The following MACROD2 variants were observed in gnomAD, a reference collection of about 807,000 sequenced individuals.
MACROD2 encodes mono-ADP ribosylhydrolase 2.
In MACROD2, 36 loss-of-function variants were observed where a neutral mutation model predicts 70.4. That is an observed-to-expected ratio of 0.51 (90% CI 0.39 to 0.68). The LOEUF is 0.68. Ranked by LOEUF, MACROD2 falls within the 30% of genes least tolerant of loss-of-function variation. MACROD2 has a pLI of 0.00. For synonymous variants in MACROD2, 172 were observed against 178.8 expected, an observed-to-expected ratio of 0.96 and a Z score of 0.30; for missense variants, 496 against 538.4, an observed-to-expected ratio of 0.92 and a Z score of 0.78.
At chr20:15,508,795 C>T (rs571104120) in intron 8 of MACROD2, among the ~76,000 whole-genome samples, 3 of 152,202 alleles carry the variant, frequency 2.0e-5, no homozygotes, top group African/African-American at 7.2e-5. Context: ...GCACAGCTAC[C>T]GTGTTCCCTA....
intron 6 of MACROD2, among the ~76,000 whole-genome samples, chr20:15,264,678 G>A: frequency 6.6e-6 from 1 of 152,110 alleles, no homozygotes; most frequent in Non-Finnish European, 1.5e-5. Context: ...TAGGTGAAAA[G>A]TCTCTCTGAG....
intron 6 of MACROD2, among the ~76,000 whole-genome samples, chr20:15,430,638 C>A (rs1424659242): frequency 6.6e-6 from 1 of 151,792 alleles, no homozygotes; most frequent in African/African-American, 2.4e-5. Context: ...CACTGCTAAG[C>A]AAAATATGGC....
chr20:15,441,419 C>T (rs1467064635), intron 7 of MACROD2, among the ~76,000 whole-genome samples: 2 of 151,982 alleles, frequency 1.3e-5, no homozygotes, highest in African/African-American at 4.8e-5. Flanking sequence ...GGGGACCTGA[C>T]AAAAGAGATG....
chr20:14,514,904 A>G (rs1037286538), intron 4 of MACROD2, among the ~76,000 whole-genome samples: 7 of 152,156 alleles, frequency 4.6e-5, no homozygotes, highest in Non-Finnish European at 1.0e-4. Context: ...CTGCTAAAGA[A>G]AAATCCAGAC....
At position 14,710,932 on chromosome 20, in the gene MACROD2, C is replaced by A. The variant is rs1191420209; in HGVS notation, c.418+25973C>A. Among the ~76,000 whole-genome samples the A allele has an allele frequency of 5.3e-5, 8 of 152,158 alleles. 1 individual carries two copies. The highest frequency in any genetic ancestry group is 4.6e-4 in the Admixed American group (7 of 15,274). On this transcript the variant is annotated intron_variant, in intron 5 of 17. Transcript: ENST00000684519. ...CCCATGGACTCTTCTCCTGAGAGAT[C>A]TCATTCTTCCTGCTTATCAGCTTCT...
At chr20:15,865,287 A>G (rs2064476129) in intron 9 of MACROD2, among the ~76,000 whole-genome samples, 1 of 152,188 alleles carries the variant, frequency 6.6e-6, no homozygotes, top group Non-Finnish European at 1.5e-5. Flanking sequence ...GGTATGCCAC[A>G]TGCATAACTA....
chr20:14,942,223 T>C (rs758121081), intron 5 of MACROD2, among the ~76,000 whole-genome samples: 28 of 152,280 alleles, frequency 1.8e-4, no homozygotes, highest in Non-Finnish European at 3.7e-4. Flanking sequence ...GCTTTTAAAA[T>C]ATGTTCCTCA....
intron 3 of MACROD2, among the ~76,000 whole-genome samples, chr20:14,378,767 T>G (rs1190266779): frequency 6.6e-6 from 1 of 152,212 alleles, no homozygotes; most frequent in South Asian, 2.1e-4. Context: ...TCTCCTATGC[T>G]TCAGCATGTC....
intron 12 of MACROD2, among the ~76,000 whole-genome samples, chr20:15,955,759 T>A: frequency 6.6e-6 from 1 of 152,302 alleles, no homozygotes; most frequent in Middle Eastern, 3.4e-3. Context: ...ATACATTTTA[T>A]TTAACCATTA....
intron 6 of MACROD2, among the ~76,000 whole-genome samples, chr20:15,291,411 A>G (rs1289922295): frequency 6.6e-6 from 1 of 152,220 alleles, no homozygotes; most frequent in South Asian, 2.1e-4. Flanking sequence ...GGCCCACAAT[A>G]AACAGCAGAT....
rs532870371 is a variant in MACROD2 at position 15,132,196 on chromosome 20, A to G, written c.419-97744A>G. Among the ~76,000 whole-genome samples the G allele has an allele frequency of 2.0e-5, 3 of 152,166 alleles. No homozygotes were observed. In the East Asian group the frequency reaches 5.8e-4, roughly 29 times the overall value. ...AATTGTATAAATCTTTATGGTCTAA[A>G]TAACATATCTAAAATGAAGTAAAAT... On this transcript the variant is annotated intron_variant, in intron 5 of 17. Coordinates refer to ENST00000684519, the MANE Select transcript of MACROD2 (RefSeq NM_001351661.2).
At chr20:14,279,248 A>T (rs2082284326) in intron 3 of MACROD2, among the ~76,000 whole-genome samples, 1 of 152,208 alleles carries the variant, frequency 6.6e-6, no homozygotes, top group African/African-American at 2.4e-5. Flanking sequence ...CTTTTCACAG[A>T]CTATCTTCTC....
intron 11 of MACROD2, among the ~76,000 whole-genome samples, chr20:15,937,041 C>T (rs2065674918): frequency 6.6e-6 from 1 of 152,240 alleles, no homozygotes; most frequent in East Asian, 1.9e-4. Context: ...AGTTTGACAG[C>T]CTGGCATAAT....
chr20:15,612,333 A>G (rs1284042805), intron 8 of MACROD2, among the ~76,000 whole-genome samples: 1 of 152,108 alleles, frequency 6.6e-6, no homozygotes, highest in Admixed American at 6.5e-5. Flanking sequence ...GTCTGCCTCT[A>G]TTGCGTCGAC....
intron 7 of MACROD2, among the ~76,000 whole-genome samples, chr20:15,439,985 G>A (rs376801049): frequency 1.3e-4 from 20 of 152,182 alleles, no homozygotes; most frequent in African/African-American, 4.8e-4. Flanking sequence ...CAGATCTCAG[G>A]CGTGCTTTCT....
intron 6 of MACROD2, among the ~76,000 whole-genome samples, chr20:15,295,670 A>G (rs2077580817): frequency 6.6e-6 from 1 of 151,606 alleles, no homozygotes; most frequent in African/African-American, 2.4e-5. Flanking sequence ...ATACATCATC[A>G]CTTATAAAGT....
At chr20:14,123,722 G>A (rs1313199575) in intron 3 of MACROD2, among the ~76,000 whole-genome samples, 1 of 152,154 alleles carries the variant, frequency 6.6e-6, no homozygotes, top group Non-Finnish European at 1.5e-5. Flanking sequence ...GTTGATGAAT[G>A]TCAGTGGTTT....
chr20:15,573,351 T>C (rs1304084595), intron 8 of MACROD2, among the ~76,000 whole-genome samples: 2 of 152,134 alleles, frequency 1.3e-5, no homozygotes, highest in African/African-American at 4.8e-5. Flanking sequence ...TAAAAGCAAG[T>C]TCATTGTAAG....
intron 3 of MACROD2, among the ~76,000 whole-genome samples, chr20:14,353,771 TTG>T (rs766059091): frequency 1.3e-5 from 2 of 152,078 alleles, no homozygotes; most frequent in Admixed American, 6.6e-5. Flanking sequence ...CTTTAGAAAT[TTG>T]TGTTAGCTAC....
Sources: allele counts gnomAD v4.1 joint callset (sites outside exome capture counted in the v4.1 genomes callset), GRCh38; gene constraint gnomAD v4.1.1; transcripts MANE v1.5; gene names NCBI Gene and HGNC (gene_info 2026-07-23, HGNC 2026-07-21).